Variants in FAM133B observed in about 807,000 individuals in gnomAD.
FAM133B encodes the protein protein FAM133B.
Under a neutral mutation model 46.4 loss-of-function variants are expected in FAM133B, and 25 were observed. The observed-to-expected ratio is 0.54, with a 90% CI of 0.39 to 0.75. The LOEUF (loss-of-function observed/expected upper bound fraction) is 0.75. Among genes scored for constraint, FAM133B ranks in the 30% least tolerant of loss-of-function variants. The pLI is 0.00. For synonymous variants in FAM133B, 75 were observed against 86.0 expected (o/e 0.87, Z 0.71); for missense variants, 205 against 277.6 (o/e 0.74, Z 1.86).
In FAM133B at chr7:92,577,121, TTC is replaced by T. The variant is rs1482134209; in HGVS notation, c.445_446del (p.Glu149AsnfsTer2). On this transcript the variant is annotated frameshift_variant, in exon 7 of 11. Coordinates refer to ENST00000445716, the MANE Select transcript of FAM133B (RefSeq NM_152789.4). LOFTEE classifies it high-confidence loss of function. ...AATTTACCTTACTGTCTGATTCAGT[TTC>T]TGACATGGAGCTTTCAGAAGATTTA... ...SHKSSESSMS[E>X]TESDSKDSLK... 2.5e-5 allele frequency: 38 copies of T among 1,492,454 alleles called. No individual in the cohort carries two copies. Among genetic ancestry groups the T allele is most frequent in the Non-Finnish European group, 3.1e-5 (35 of 1,118,708 alleles). The allele number at this position is 1,492,454 out of a possible 1,614,324, so 92.5% of individuals were successfully genotyped here. A position where few individuals can be genotyped will look rare whatever the true frequency, so the allele number is the denominator to read the frequency against.
chr7:92,577,649 C>A lies in FAM133B; in HGVS notation c.372+6G>T, dbSNP rs1467798258. ...TATTTCATGAACCATTATAAGCAAA[C>A]CTTACCTCATCTTCAGAATCAGAAG... On this transcript the variant is annotated splice_donor_region_variant and intron_variant, in intron 6 of 10. Coordinates refer to ENST00000445716, the MANE Select transcript of FAM133B (RefSeq NM_152789.4). 3.2e-6 allele frequency: 5 copies of A among 1,574,988 alleles called. No homozygotes were observed. In the African/African-American group the frequency reaches 5.4e-5, roughly 17 times the overall value.
chr7:92,588,917 C>A (rs973156824), intron 1 of FAM133B, among the ~76,000 whole-genome samples: 1 of 152,156 alleles, frequency 6.6e-6, no homozygotes, highest in African/African-American at 2.4e-5. Context: ...AAGCAGATGC[C>A]GCTAAGCTTC....
intron 1 of FAM133B, among the ~76,000 whole-genome samples, chr7:92,586,954 T>A (rs1207746840): frequency 6.6e-6 from 1 of 152,096 alleles, no homozygotes; most frequent in Non-Finnish European, 1.5e-5. Flanking sequence ...ATACCAAGAG[T>A]GACCCCTAAT....
chr7:92,575,266 A>G (rs958332304), intron 8 of FAM133B, among the ~76,000 whole-genome samples: 12 of 152,332 alleles, frequency 7.9e-5, no homozygotes, highest in Non-Finnish European at 1.3e-4. Context: ...ACCTGAGGTC[A>G]GGGTTTTGAA....
intron 5 of FAM133B, 106 bp from the exon 6 acceptor site, chr7:92,577,823 A>C (rs1794747505): frequency 1.2e-6 from 1 of 868,826 alleles, no homozygotes; most frequent in Non-Finnish European, 1.8e-6. Context: ...TGAGAAACAG[A>C]TGCCATATTC....
At chr7:92,569,499 ATGTT>A (rs1794465553) in intron 9 of FAM133B, 1 of 164,326 alleles carries the variant, frequency 6.1e-6, no homozygotes, top group African/African-American at 2.4e-5. Flanking sequence ...ATGTAAGAGA[ATGTT>A]TGGTTTCAAC....
intron 2 of FAM133B, 144 bp downstream of exon 2, chr7:92,581,362 A>C (rs1794864036): frequency 1.5e-6 from 1 of 666,470 alleles, no homozygotes; most frequent in African/African-American, 1.8e-5. Context: ...TCACACATTC[A>C]AAAGAAAGCA....
chr7:92,583,461 G>A (rs1339300662), intron 1 of FAM133B, among the ~76,000 whole-genome samples: 5 of 152,124 alleles, frequency 3.3e-5, no homozygotes, highest in Non-Finnish European at 7.4e-5. Flanking sequence ...GGTAAATTTT[G>A]TTATACATAT....
chr7:92,577,746 T>C, intron 5 of FAM133B, 29 bp from the exon 6 acceptor site: 1 of 1,529,942 alleles, frequency 6.5e-7, no homozygotes, highest in Non-Finnish European at 8.8e-7. Context: ...AATTAAAGCT[T>C]GTGAGATGCG....
intron 1 of FAM133B, among the ~76,000 whole-genome samples, chr7:92,586,914 C>T (rs964009602): frequency 6.6e-6 from 1 of 152,170 alleles, no homozygotes; most frequent in Non-Finnish European, 1.5e-5. Context: ...TGAATTAAAA[C>T]GTTCAGTTAT....
chr7:92,590,025 G>T (rs1008013702), intron 1 of FAM133B: 2 of 594,942 alleles, frequency 3.4e-6, no homozygotes, highest in Non-Finnish European at 5.9e-6. Context: ...AACCAGCAGC[G>T]CCAGAAAGAG....
intron 3 of FAM133B, 77 bp downstream of exon 3, chr7:92,579,240 A>G: frequency 2.3e-6 from 3 of 1,320,094 alleles, no homozygotes; most frequent in Non-Finnish European, 3.1e-6. Flanking sequence ...CGGCCTCCCA[A>G]AGTGCTGGAA....
intron 2 of FAM133B, among the ~76,000 whole-genome samples, chr7:92,580,634 C>A (rs1011519490): frequency 6.6e-5 from 10 of 152,204 alleles, no homozygotes; most frequent in Non-Finnish European, 1.3e-4. Flanking sequence ...GCTGATTGTG[C>A]TTGGTAGCCC....
intron 3 of FAM133B, 83 bp from the exon 4 acceptor site, chr7:92,578,476 C>T: frequency 8.4e-7 from 1 of 1,188,790 alleles, no homozygotes; most frequent in Non-Finnish European, 1.2e-6. Flanking sequence ...CTGCTTCCTT[C>T]CCTCCATCCT....
chr7:92,573,409 C>T lies in FAM133B; in HGVS notation c.516+2362G>A, dbSNP rs115746137. The stretch of plus-strand genomic sequence containing the variant: ...GCCTTAAGTGATCCTCCTGCCTCAG[C>T]CTCCCAAAGTGTTCGGATTATAAGC... On this transcript the variant is annotated intron_variant, in intron 8 of 10. Transcript: ENST00000445716. Among the ~76,000 whole-genome samples the T allele has an allele frequency of 7.2e-3, 1,095 of 151,570 alleles. 15 individuals are homozygous for T. The highest frequency in any genetic ancestry group is 0.025 in the African/African-American group (1,046 of 41,366).
intron 9 of FAM133B, among the ~76,000 whole-genome samples, chr7:92,567,270 G>T (rs115288424): frequency 6.6e-6 from 1 of 152,086 alleles, no homozygotes; most frequent in South Asian, 2.1e-4. Context: ...ATAAACTTTC[G>T]TATTACATGT....
At chr7:92,587,238 A>G (rs1795060503) in intron 1 of FAM133B, among the ~76,000 whole-genome samples, 1 of 152,230 alleles carries the variant, frequency 6.6e-6, no homozygotes, top group South Asian at 2.1e-4. Context: ...TGTTTCATCA[A>G]TGTAAGAAAG....
chr7:92,578,406 T>C lies in FAM133B; in HGVS notation c.202-13A>G. 2 of 1,609,744 alleles carry C rather than the reference T, an allele frequency of 1.2e-6. No individual in the cohort carries two copies. The highest frequency in any genetic ancestry group is 1.7e-6 in the Non-Finnish European group (2 of 1,177,504). On this transcript the variant is annotated splice_polypyrimidine_tract_variant and intron_variant, in intron 3 of 10. Coordinates refer to ENST00000445716, the MANE Select transcript of FAM133B (RefSeq NM_152789.4). ...CTTTCTTCCAGTTCTGCAAAAAGGTTATGAACACCATCAGAGACTATCTAA... is the reference window on the plus strand; with the variant it reads ...CTTTCTTCCAGTTCTGCAAAAAGGTCATGAACACCATCAGAGACTATCTAA...
intron 5 of FAM133B, chr7:92,577,922 TC>T: frequency 1.5e-6 from 1 of 650,048 alleles, no homozygotes; most frequent in East Asian, 2.8e-5. Context: ...TGGTCACCAA[TC>T]TTTCTCTTTA....
Sources: allele counts gnomAD v4.1 joint callset (sites outside exome capture counted in the v4.1 genomes callset), GRCh38; gene constraint gnomAD v4.1.1; transcripts MANE v1.5; gene names NCBI Gene and HGNC (gene_info 2026-07-23, HGNC 2026-07-21).